GABBR2: variants seen among roughly 807,000 people sequenced by gnomAD.
GABBR2 encodes the protein gamma-aminobutyric acid type B receptor subunit 2, also known as G-protein coupled receptor 51.
In GABBR2, 23 loss-of-function variants were observed where a neutral mutation model predicts 105.6. The observed-to-expected ratio is 0.22, with a 90% CI of 0.16 to 0.31. The LOEUF (loss-of-function observed/expected upper bound fraction) is 0.31, where lower values mean the gene tolerates loss of function less well. Ranked by LOEUF, GABBR2 falls within the 10% of genes least tolerant of loss-of-function variation. The probability of loss-of-function intolerance (pLI) is 1.00; values close to 1 mark genes in which losing one functional copy is unlikely to be tolerated. For synonymous variants in GABBR2, 478 were observed against 499.7 expected (o/e 0.96, Z 0.58); for missense variants, 734 against 1,245.5 (o/e 0.59, Z 6.18).
intron 1 of GABBR2, among the ~76,000 whole-genome samples, chr9:98,632,019 G>T (rs140204760): frequency 6.6e-6 from 1 of 152,244 alleles, no homozygotes; most frequent in Non-Finnish European, 1.5e-5. Flanking sequence ...TGCCTTGACT[G>T]GTTTGTAGGA....
intron 7 of GABBR2, among the ~76,000 whole-genome samples, chr9:98,406,949 G>A (rs561847836): frequency 1.3e-5 from 2 of 152,156 alleles, no homozygotes; most frequent in African/African-American, 4.8e-5. Flanking sequence ...CATGCCAAAC[G>A]TAAGTGATAA....
At chr9:98,702,067 C>T (rs1165622682) in intron 1 of GABBR2, among the ~76,000 whole-genome samples, 4 of 152,056 alleles carry the variant, frequency 2.6e-5, no homozygotes, top group East Asian at 3.9e-4. Context: ...CCCATTTCAT[C>T]GATGAAGAAA....
At chr9:98,678,894 G>A (rs1219095661) in intron 1 of GABBR2, among the ~76,000 whole-genome samples, 1 of 152,182 alleles carries the variant, frequency 6.6e-6, no homozygotes, top group Non-Finnish European at 1.5e-5. Context: ...GACAGTTCTT[G>A]ACTTCAAGGT....
chr9:98,698,603 G>A (rs1037198508), intron 1 of GABBR2, among the ~76,000 whole-genome samples: 9 of 151,910 alleles, frequency 5.9e-5, no homozygotes, highest in African/African-American at 2.2e-4. Context: ...AGGTTCAAGC[G>A]ATTTTCCTGC....
intron 7 of GABBR2, among the ~76,000 whole-genome samples, chr9:98,446,924 T>C (rs1177475434): frequency 6.6e-6 from 1 of 152,136 alleles, no homozygotes; most frequent in Admixed American, 6.5e-5. Flanking sequence ...ATCTGGGGGA[T>C]AGAGTCACAA....
chr9:98,704,777 C>G lies in GABBR2; in HGVS notation c.321+3640G>C, dbSNP rs545188313. Among the ~76,000 whole-genome samples the G allele has an allele frequency of 2.6e-5, 4 of 152,002 alleles. No homozygotes were observed. The East Asian group carries it at 5.8e-4, about 22-fold the overall frequency. On this transcript the variant is annotated intron_variant, in intron 1 of 18. Coordinates refer to ENST00000259455, the MANE Select transcript of GABBR2 (RefSeq NM_005458.8). ...TCAAATTGAAAAAAAATATCTTTAACTCATTCCTTGGCTATTATTTTATTT... is the reference window on the plus strand; with the variant it reads ...TCAAATTGAAAAAAAATATCTTTAAGTCATTCCTTGGCTATTATTTTATTT...
Position 98,362,787 on chromosome 9 carries a change from G to T in GABBR2, c.1821C>A (p.Ile607=). The change falls in exon 13 of 19, where the codon ATC becomes ATA. Residue 607 remains isoleucine (I), a synonymous_variant. Transcript: ENST00000259455. The stretch of plus-strand genomic sequence containing the variant: ...GCCAGCAGATCAGGATACACAGGTC[G>T]ATCAGCAGCATGCCCCCCACGATCA... ...LLVIVGGMLL[I]DLCILICWQA... is the part of the protein sequence containing the mutation. The T allele has an allele frequency of 1.2e-6, 2 of 1,602,892 alleles. No individual in the cohort carries two copies. Among genetic ancestry groups the T allele is most frequent in the Non-Finnish European group, 8.5e-7 (1 of 1,175,000 alleles).
chr9:98,675,772 T>G lies in GABBR2; in HGVS notation c.321+32645A>C, dbSNP rs551795130. Among the ~76,000 whole-genome samples, 22 of 152,210 alleles carry G rather than the reference T, an allele frequency of 1.4e-4. 1 individual carries two copies. The South Asian group carries it at 4.6e-3, about 32-fold the overall frequency. On this transcript the variant is annotated intron_variant, in intron 1 of 18. Transcript: ENST00000259455. Reference sequence around the variant, plus strand: ...GCACTGGATATCCGCCACCTTTTGCTTTGTATAAAGAGATATTGGTTGAAC... The same window carrying G: ...GCACTGGATATCCGCCACCTTTTGCGTTGTATAAAGAGATATTGGTTGAAC...
At chr9:98,382,724 G>T (rs1490839191) in intron 11 of GABBR2, among the ~76,000 whole-genome samples, 1 of 152,186 alleles carries the variant, frequency 6.6e-6, no homozygotes, top group African/African-American at 2.4e-5. Flanking sequence ...AACTTCATCA[G>T]GGTCCCTCAG....
At chr9:98,298,226 TCTTG>T (rs1410978510) in intron 17 of GABBR2, among the ~76,000 whole-genome samples, 1 of 152,176 alleles carries the variant, frequency 6.6e-6, no homozygotes, top group East Asian at 1.9e-4. Flanking sequence ...TTGGCTTTCA[TCTTG>T]CTTTTTTCAC....
At chr9:98,323,164 C>T (rs987557853) in intron 13 of GABBR2, among the ~76,000 whole-genome samples, 3 of 152,220 alleles carry the variant, frequency 2.0e-5, no homozygotes, top group African/African-American at 4.8e-5. Flanking sequence ...CCTCTTGAAA[C>T]CTTTTCTCTA....
chr9:98,496,209 G>A, intron 4 of GABBR2: 1 of 589,860 alleles, frequency 1.7e-6, no homozygotes, highest in Non-Finnish European at 3.0e-6. Context: ...TGCACCTGCA[G>A]CCAGCACCTC....
intron 1 of GABBR2, among the ~76,000 whole-genome samples, chr9:98,674,341 T>C (rs1371159074): frequency 6.6e-6 from 1 of 152,086 alleles, no homozygotes; most frequent in Non-Finnish European, 1.5e-5. Context: ...TCCCACCCAA[T>C]CACGAAAGCC....
intron 7 of GABBR2, among the ~76,000 whole-genome samples, chr9:98,415,436 G>A (rs578242868): frequency 2.4e-4 from 36 of 152,084 alleles, no homozygotes; most frequent in South Asian, 2.1e-4. Context: ...CTGTGCAAAC[G>A]TAAGCCCGTT....
At chr9:98,641,877 C>T (rs1005511892) in intron 1 of GABBR2, among the ~76,000 whole-genome samples, 2 of 152,170 alleles carry the variant, frequency 1.3e-5, no homozygotes, top group African/African-American at 2.4e-5. Flanking sequence ...CCCCCACAGT[C>T]CCTGAGCCTG....
chr9:98,626,814 T>C (rs768867840), intron 1 of GABBR2, among the ~76,000 whole-genome samples: 34 of 152,176 alleles, frequency 2.2e-4, no homozygotes, highest in Non-Finnish European at 4.1e-4. Flanking sequence ...GGAGGAAGGA[T>C]TCATTCAGTC....
intron 1 of GABBR2, among the ~76,000 whole-genome samples, chr9:98,653,556 C>A (rs1018072105): frequency 1.3e-5 from 2 of 152,154 alleles, no homozygotes; most frequent in African/African-American, 4.8e-5. Flanking sequence ...TTTACCTTAA[C>A]TGTCTTCCTT....
At chr9:98,418,563 CA>C (rs1177317785) in intron 7 of GABBR2, among the ~76,000 whole-genome samples, 1 of 151,546 alleles carries the variant, frequency 6.6e-6, no homozygotes, top group Non-Finnish European at 1.5e-5. Context: ...CAAAAAAACC[CA>C]AAAATCCAAA....
chr9:98,579,827 G>A (rs1828974770), intron 1 of GABBR2, among the ~76,000 whole-genome samples: 1 of 152,194 alleles, frequency 6.6e-6, no homozygotes, highest in Non-Finnish European at 1.5e-5. Context: ...TTTGGGGATA[G>A]AAAGAAAATC....
Sources: gnomAD v4.1 joint callset for allele counts (sites outside exome capture counted in the v4.1 genomes callset) on GRCh38, gnomAD v4.1.1 for gene constraint, MANE v1.5 for transcripts, NCBI Gene and HGNC (gene_info 2026-07-23, HGNC 2026-07-21) for gene names.